Variants in WNT5B observed in about 807,000 individuals in gnomAD.
WNT5B encodes the protein Wnt family member 5B.
A neutral mutation model predicts 36.5 loss-of-function variants in WNT5B; 18 were observed. The ratio of observed to expected loss-of-function variants is 0.49; its 90% CI spans 0.34 to 0.73. The LOEUF (loss-of-function observed/expected upper bound fraction) is 0.73. Ranked by LOEUF, WNT5B falls within the 30% of genes least tolerant of loss-of-function variation. The pLI is 0.01. For missense variants in WNT5B, 424 were observed against 508.4 expected (o/e 0.83, Z 1.60); for synonymous variants, 213 against 212.3 (o/e 1.00, Z -0.03).
In WNT5B at chr12:1,632,980, G is replaced by T; in HGVS notation, c.328+75G>T. 1 of 1,537,410 alleles carries T rather than the reference G, an allele frequency of 6.5e-7. No homozygotes were observed. The highest frequency in any genetic ancestry group is 8.8e-7 in the Non-Finnish European group (1 of 1,140,526). On this transcript the variant is annotated intron_variant, in intron 3 of 4. Coordinates refer to ENST00000397196, the MANE Select transcript of WNT5B (RefSeq NM_032642.3). This position sits in a 1 kb window ranked among gnomAD's most constrained non-coding sequence, Gnocchi z 5.8. ...TTTGGGAGCAATTAAGCTCTCTCAG[G>T]ACTGGCACAGGGAGAGCCCAAAGGC...
At chr12:1,622,989 T>G (rs1019456277) in intron 1 of WNT5B, among the ~76,000 whole-genome samples, 11 of 151,890 alleles carry the variant, frequency 7.2e-5, no homozygotes, top group Non-Finnish European at 4.4e-5. Flanking sequence ...TTCCCAGAAG[T>G]CGGCAAGGCA....
Position 1,641,425 on chromosome 12 carries a change from T to C in WNT5B, c.621+1449T>C, listed in dbSNP as rs546166005. ...AATGAGAATGGCAATTTCTTAGAAG[T>C]TTAACGGTGGCACCCTGGTGATTCA... is the stretch of plus-strand genomic sequence containing the variant. On this transcript the variant is annotated intron_variant, in intron 4 of 4. Coordinates refer to ENST00000397196, the MANE Select transcript of WNT5B (RefSeq NM_032642.3). 8.7e-5 allele frequency among the ~76,000 whole-genome samples: 13 copies of C among 149,962 alleles called. No individual in the cohort carries two copies. In the East Asian group the frequency reaches 2.4e-3, roughly 28 times the overall value.
chr12:1,636,253 C>G (rs924116649), intron 3 of WNT5B, among the ~76,000 whole-genome samples: 1 of 151,950 alleles, frequency 6.6e-6, no homozygotes, highest in Non-Finnish European at 1.5e-5. Flanking sequence ...ATTCACAAGG[C>G]TGTGCAACTA....
chr12:1,617,933 G>A (rs1197050532), intron 1 of WNT5B, among the ~76,000 whole-genome samples: 1 of 152,138 alleles, frequency 6.6e-6, no homozygotes, highest in East Asian at 1.9e-4. Flanking sequence ...GAGGCCGGGA[G>A]TTCAAGACCA....
At chr12:1,619,594 G>GA (rs924391615) in intron 1 of WNT5B, among the ~76,000 whole-genome samples, 13 of 151,730 alleles carry the variant, frequency 8.6e-5, no homozygotes, top group Non-Finnish European at 1.2e-4. Flanking sequence ...ATGCTATCTA[G>GA]AAAAAAATTC....
Position 1,621,430 on chromosome 12 carries a change from A to G in WNT5B, c.-58+4287A>G, listed in dbSNP as rs147971735. 8.5e-5 allele frequency among the ~76,000 whole-genome samples: 13 copies of G among 152,326 alleles called. No individual in the cohort carries two copies. The East Asian group carries it at 1.7e-3, about 20-fold the overall frequency. ...CAGTATCCAGGGTGACTGGTCCCCT[A>G]TGTCTTTGACCCCATTCCTGCAGTG... On this transcript the variant is annotated intron_variant, in intron 1 of 4. Coordinates refer to the WNT5B transcript ENST00000310594.
upstream of WNT5B, among the ~76,000 whole-genome samples, chr12:1,626,857 G>A (rs567625838): frequency 9.2e-5 from 14 of 152,258 alleles, no homozygotes; most frequent in Admixed American, 2.0e-4. Context: ...GAGCCACTGC[G>A]CCCGGCCGCC....
At position 1,639,984 on chromosome 12, in the gene WNT5B, G is replaced by GGGCCTCCCC. The variant is rs1041684052; in HGVS notation, c.621+18_621+26dup. ...AACGAGGCCGGTCGCAGGGTAAGCT[G>GGGCCTCCCC]GGCCTCCCCGGCCTCCCCAGCACTG... On this transcript the variant is annotated intron_variant, in intron 4 of 4. Transcript: ENST00000397196. 13 of 1,605,152 alleles carry GGGCCTCCCC rather than the reference G, an allele frequency of 8.1e-6. 1 individual carries two copies. The highest frequency in any genetic ancestry group is 3.4e-5 in the Admixed American group (2 of 58,848).
At chr12:1,642,494 CT>C (rs1443001953) in intron 4 of WNT5B, among the ~76,000 whole-genome samples, 1 of 152,226 alleles carries the variant, frequency 6.6e-6, no homozygotes. Context: ...ATTGCCCTCT[CT>C]GCCCCTTTGC....
chr12:1,642,981 C>A (rs1030389618), intron 4 of WNT5B, among the ~76,000 whole-genome samples: 9 of 152,192 alleles, frequency 5.9e-5, no homozygotes, highest in Admixed American at 4.6e-4. Context: ...TCACTGCTTG[C>A]CTCCTCACAC....
At chr12:1,642,065 G>C (rs761883614) in intron 4 of WNT5B, among the ~76,000 whole-genome samples, 8 of 152,186 alleles carry the variant, frequency 5.3e-5, no homozygotes, top group Non-Finnish European at 7.3e-5. Flanking sequence ...GTGTAAGGTG[G>C]GGTCAGTGCG....
At chr12:1,626,749 T>C (rs1404618420), upstream of WNT5B, among the ~76,000 whole-genome samples, 1 of 151,312 alleles carries the variant, frequency 6.6e-6, no homozygotes, top group Non-Finnish European at 1.5e-5. Context: ...GTATTTTCAG[T>C]AGAGACGGGG....
In WNT5B at chr12:1,631,348, G is replaced by A. The variant is rs777203220; in HGVS notation, c.-7G>A. ...TCCCAGGGCACTGGGGAGGGCTGAG[G>A]CCGACCATGCCCAGCCTGCTGCTGC... On this transcript the variant is annotated 5_prime_UTR_variant, in exon 2 of 5. Coordinates refer to ENST00000397196, the MANE Select transcript of WNT5B (RefSeq NM_032642.3). 2.5e-6 allele frequency: 4 copies of A among 1,614,110 alleles called. No homozygotes were observed. The Admixed American group carries it at 5.0e-5, about 20-fold the overall frequency.
At position 1,630,213 on chromosome 12, in the gene WNT5B, G is replaced by A. The variant is rs1313471968; in HGVS notation, c.-58+842G>A. Reference sequence around the variant, plus strand: ...GGCGCAGTGAGCCGGGGCGCGCGGGGCTGCGCTCGTCAGGTCCGGGGCCCC... The same window carrying A: ...GGCGCAGTGAGCCGGGGCGCGCGGGACTGCGCTCGTCAGGTCCGGGGCCCC... On this transcript the variant is annotated intron_variant, in intron 1 of 4. Transcript: ENST00000397196. This position sits in a 1 kb window ranked among gnomAD's most constrained non-coding sequence, Gnocchi z 5.3. 4 of 985,358 alleles carry A rather than the reference G, an allele frequency of 4.1e-6. No individual in the cohort carries two copies. The highest frequency in any genetic ancestry group is 4.8e-6 in the Non-Finnish European group (4 of 829,914). 61.0% of individuals were successfully genotyped at this position (985,358 alleles called of 1,614,324 possible). A position where few individuals can be genotyped will look rare whatever the true frequency, so the allele number is the denominator to read the frequency against.
chr12:1,630,154 C>T lies in WNT5B; in HGVS notation c.-58+783C>T, dbSNP rs1379474188. The stretch of plus-strand genomic sequence containing the variant: ...TGACCCGAAGCACCCGCCGCCCCCT[C>T]CCGGGGAGCCTGGGGACGCCGACGC... On this transcript the variant is annotated intron_variant, in intron 1 of 4. Coordinates refer to ENST00000397196, the MANE Select transcript of WNT5B (RefSeq NM_032642.3). This position sits in a 1 kb window ranked among gnomAD's most constrained non-coding sequence, Gnocchi z 5.3. The T allele has an allele frequency of 1.0e-6, 1 of 985,394 alleles. No homozygotes were observed. Among genetic ancestry groups the T allele is most frequent in the African/African-American group, 1.7e-5 (1 of 57,246 alleles). 61.0% of individuals were successfully genotyped at this position (985,394 alleles called of 1,614,324 possible). A position where few individuals can be genotyped will look rare whatever the true frequency, so the allele number is the denominator to read the frequency against.
chr12:1,638,067 T>A (rs936475937), intron 3 of WNT5B, among the ~76,000 whole-genome samples: 16 of 152,084 alleles, frequency 1.1e-4, no homozygotes, highest in Non-Finnish European at 2.2e-4. Flanking sequence ...GCTAACACGG[T>A]GAAACCCCAT....
At chr12:1,617,704 G>T (rs1355993746) in intron 1 of WNT5B, among the ~76,000 whole-genome samples, 2 of 152,198 alleles carry the variant, frequency 1.3e-5, no homozygotes, top group African/African-American at 2.4e-5. Flanking sequence ...ACTTGTGAAT[G>T]CTCCAAACAT....
At chr12:1,639,488 G>A (rs972195716) in intron 3 of WNT5B, among the ~76,000 whole-genome samples, 196 bp from the exon 4 acceptor site, 5 of 152,128 alleles carry the variant, frequency 3.3e-5, no homozygotes, top group African/African-American at 7.2e-5. Context: ...GGGGCCCAGC[G>A]GCGGAAGTAA....
At chr12:1,639,123 A>T (rs1374194012) in intron 3 of WNT5B, among the ~76,000 whole-genome samples, 1 of 151,052 alleles carries the variant, frequency 6.6e-6, no homozygotes, top group Non-Finnish European at 1.5e-5. Context: ...GACCGGAGGG[A>T]CTTGTTTTTT....
Sources: allele counts gnomAD v4.1 joint callset (sites outside exome capture counted in the v4.1 genomes callset), GRCh38; gene constraint gnomAD v4.1.1; non-coding constraint Gnocchi (gnomAD v3.1); transcripts MANE v1.5; gene names NCBI Gene and HGNC (gene_info 2026-07-23, HGNC 2026-07-21).